Variants in SLC6A3 observed in about 807,000 individuals in gnomAD.
SLC6A3 encodes solute carrier family 6 member 3.
Under a neutral mutation model 70.4 loss-of-function variants are expected in SLC6A3, and 19 were observed. That is an observed-to-expected ratio of 0.27 (90% confidence interval 0.19 to 0.40). SLC6A3 has a LOEUF of 0.40. Ranked by LOEUF, SLC6A3 falls within the 10% of genes least tolerant of loss-of-function variation. The pLI is 1.00. For synonymous variants in SLC6A3, 368 were observed against 356.6 expected (o/e 1.03, Z -0.36); for missense variants, 613 against 838.5 (o/e 0.73, Z 3.32).
intron 6 of SLC6A3, among the ~76,000 whole-genome samples, chr5:1,416,874 G>A (rs137989291): frequency 5.9e-5 from 9 of 151,976 alleles, no homozygotes; most frequent in Admixed American, 2.0e-4. Flanking sequence ...TGACCGCAGC[G>A]TCCTAACAAC....
Position 1,401,317 on chromosome 5 carries a change from C to T in SLC6A3, c.1768-331G>A, listed in dbSNP as rs28363143. 17 of 548,004 alleles carry T rather than the reference C, an allele frequency of 3.1e-5. No individual in the cohort carries two copies. The highest frequency in any genetic ancestry group is 2.2e-4 in the East Asian group (5 of 22,824). 33.9% of individuals were successfully genotyped at this position (548,004 alleles called of 1,614,324 possible). A position where few individuals can be genotyped will look rare whatever the true frequency, so the allele number is the denominator to read the frequency against. ...GATGGCTCTTGAGTCTAAGCTACCA[C>T]GTGTGCTGGGCTCTGAGTAAGAAAG... On this transcript the variant is annotated intron_variant, in intron 13 of 14. Transcript: ENST00000270349. The surrounding 1 kb of genome is among the most constrained non-coding windows in gnomAD (Gnocchi z 6.1).
In SLC6A3 at chr5:1,414,696, T is replaced by C. The variant is rs868384812; in HGVS notation, c.1151A>G (p.Lys384Arg). Reference sequence around the variant, plus strand: ...GTGCAGCAGGAGGGGCTCACCGTCCTTGGCCACGTCCCCGATGGGCACACT... The same window carrying C: ...GTGCAGCAGGAGGGGCTCACCGTCCCTGGCCACGTCCCCGATGGGCACACT... ...KHSVPIGDVA[K>R]DGPGLIFIIY... is the part of the protein sequence containing the mutation. Residue 384 changes from lysine to arginine, a missense_variant, in exon 8 of 15, where the codon AAG becomes AGG. Lys to Arg is a conservative substitution (Grantham distance 26). Around this residue, in one of 4 missense-constraint regions of SLC6A3, gnomAD observed 348 missense variants for 481.2 expected, o/e 0.72. Transcript: ENST00000270349. 5.6e-6 allele frequency: 9 copies of C among 1,612,340 alleles called. No individual in the cohort carries two copies. Among genetic ancestry groups the C allele is most frequent in the African/African-American group, 1.3e-5 (1 of 74,842 alleles).
chr5:1,416,046 G>T, intron 7 of SLC6A3, 52 bp downstream of exon 7: 1 of 1,351,570 alleles, frequency 7.4e-7, no homozygotes, highest in Non-Finnish European at 1.1e-6. Context: ...GGAAGTCAGC[G>T]ACCTCTCCCT....
intron 4 of SLC6A3, among the ~76,000 whole-genome samples, chr5:1,431,001 G>T (rs1487028043): frequency 2.6e-5 from 4 of 152,328 alleles, no homozygotes; most frequent in African/African-American, 9.6e-5. Flanking sequence ...CCAGGCAAGC[G>T]AGCCCCCCAA....
chr5:1,432,221 GA>G (rs1166686697), intron 4 of SLC6A3, among the ~76,000 whole-genome samples: 2 of 152,178 alleles, frequency 1.3e-5, no homozygotes, highest in Non-Finnish European at 2.9e-5. Context: ...GCAGCCAAGG[GA>G]GCTGCTCAGT....
In SLC6A3 at chr5:1,421,783, G is replaced by A; in HGVS notation, c.792+93C>T. 1 of 1,409,258 alleles carries A rather than the reference G, an allele frequency of 7.1e-7. No individual in the cohort carries two copies. The allele number at this position is 1,409,258 out of a possible 1,614,324, so 87.3% of individuals were successfully genotyped here. On this transcript the variant is annotated intron_variant, in intron 5 of 14. Coordinates refer to ENST00000270349, the MANE Select transcript of SLC6A3 (RefSeq NM_001044.5). The surrounding 1 kb of genome is among the most constrained non-coding windows in gnomAD (Gnocchi z 7.2). ...CACATTGGTAGCACAAAACCCAACT[G>A]AGGCCACACGTGCACCTCCTGTCCA... is the stretch of plus-strand genomic sequence containing the variant.
At position 1,397,870 on chromosome 5, in the gene SLC6A3, A is replaced by G. The variant is rs571652717; in HGVS notation, c.1839+3045T>C. The stretch of plus-strand genomic sequence containing the variant: ...TCCAAGGAACATGATGAGTCCGTAC[A>G]AAATAATAACAGGAACAAGAACAAT... On this transcript the variant is annotated intron_variant, in intron 14 of 14. Transcript: ENST00000270349. This position sits in a 1 kb window ranked among gnomAD's most constrained non-coding sequence, Gnocchi z 4.7. Among the ~76,000 whole-genome samples the G allele has an allele frequency of 1.9e-3, 282 of 152,388 alleles. 1 individual carries two copies. The highest frequency in any genetic ancestry group is 3.2e-3 in the Non-Finnish European group (219 of 68,040).
In SLC6A3 at chr5:1,442,842, GC is replaced by G; in HGVS notation, c.286+69del. The G allele has an allele frequency of 1.3e-6, 2 of 1,506,134 alleles. No homozygotes were observed. Among genetic ancestry groups the G allele is most frequent in the Non-Finnish European group, 1.8e-6 (2 of 1,083,642 alleles). The allele number at this position is 1,506,134 out of a possible 1,614,324, so 93.3% of individuals were successfully genotyped here. On this transcript the variant is annotated intron_variant, in intron 2 of 14. Coordinates refer to ENST00000270349, the MANE Select transcript of SLC6A3 (RefSeq NM_001044.5). The surrounding 1 kb of genome is among the most constrained non-coding windows in gnomAD (Gnocchi z 5.0). Reference sequence around the variant, plus strand: ...ACAGCTTCATCTCGTTTCCGTACGTGCCTTGGCCCCGGCTGCCCCTACGACC... The same window carrying G: ...ACAGCTTCATCTCGTTTCCGTACGTGCTTGGCCCCGGCTGCCCCTACGACC...
At position 1,409,124 on chromosome 5, in the gene SLC6A3, C is replaced by T. The variant is rs748912363; in HGVS notation, c.1400G>A (p.Gly467Asp). The T allele has an allele frequency of 6.2e-7, 1 of 1,606,776 alleles. No individual in the cohort carries two copies. Among genetic ancestry groups the T allele is most frequent in the Non-Finnish European group, 8.5e-7 (1 of 1,176,466 alleles). Residue 467 changes from glycine (G) to aspartate (D), a missense_variant and splice_region_variant, in exon 11 of 15, where the codon GGT becomes GAT. By Grantham distance (94) the Gly-to-Asp change is moderately conservative (BLOSUM62 -1). Around this residue, in one of 4 missense-constraint regions of SLC6A3, gnomAD observed 348 missense variants for 481.2 expected, o/e 0.72. Transcript: ENST00000270349. ...FLLSLFCVTNGGIYVFTLLDH... is the reference protein window; with the variant it reads ...FLLSLFCVTNDGIYVFTLLDH... Reference sequence around the variant, plus strand: ...CAGGAGCGTGAAGACGTAGATGCCACCCTGGAAGAGAGGGGAGCCTGTGGA... The same window carrying T: ...CAGGAGCGTGAAGACGTAGATGCCATCCTGGAAGAGAGGGGAGCCTGTGGA...
rs956755066 is a variant in SLC6A3 at position 1,437,047 on chromosome 5, C to G, written c.418+4312G>C. ...CAGGCGGATCATGAGGTCAGGCAAT[C>G]GAGACCATCCTGGCTAACACGATGA... On this transcript the variant is annotated intron_variant, in intron 3 of 14. Transcript: ENST00000270349. This position sits in a 1 kb window ranked among gnomAD's most constrained non-coding sequence, Gnocchi z 4.8. Among the ~76,000 whole-genome samples, 1 of 152,040 alleles carries G rather than the reference C, an allele frequency of 6.6e-6. No individual in the cohort carries two copies. Among genetic ancestry groups the G allele is most frequent in the East Asian group, 1.9e-4 (1 of 5,168 alleles).
Position 1,394,457 on chromosome 5 carries a change from T to C in SLC6A3, c.*278A>G. The C allele has an allele frequency of 1.7e-6, 1 of 578,392 alleles. No individual in the cohort carries two copies. The highest frequency in any genetic ancestry group is 2.9e-5 in the East Asian group (1 of 34,608). 35.8% of individuals were successfully genotyped at this position (578,392 alleles called of 1,614,324 possible). A position where few individuals can be genotyped will look rare whatever the true frequency, so the allele number is the denominator to read the frequency against. On this transcript the variant is annotated 3_prime_UTR_variant, in exon 15 of 15. Coordinates refer to ENST00000270349, the MANE Select transcript of SLC6A3 (RefSeq NM_001044.5). This position sits in a 1 kb window ranked among gnomAD's most constrained non-coding sequence, Gnocchi z 4.7. ...GAGCCTCACACAGACAGCATGAAGTTAGACGTTTTTCTGCCCTGCAGGGAC... is the reference window on the plus strand; with the variant it reads ...GAGCCTCACACAGACAGCATGAAGTCAGACGTTTTTCTGCCCTGCAGGGAC...
At chr5:1,424,202 C>T (rs1204939095) in intron 4 of SLC6A3, among the ~76,000 whole-genome samples, 1 of 152,248 alleles carries the variant, frequency 6.6e-6, no homozygotes, top group Non-Finnish European at 1.5e-5. Flanking sequence ...ATTCTCTGCT[C>T]TTCTCCAAGG....
intron 3 of SLC6A3, among the ~76,000 whole-genome samples, chr5:1,440,045 C>T (rs114753524): frequency 0.013 from 1,943 of 152,274 alleles, 40 homozygotes; most frequent in African/African-American, 0.043. Flanking sequence ...GCACTCAACA[C>T]GAGGTGTGTC....
chr5:1,431,333 G>A (rs1052451472), intron 4 of SLC6A3, among the ~76,000 whole-genome samples: 1 of 152,252 alleles, frequency 6.6e-6, no homozygotes. Flanking sequence ...GAGACATCGG[G>A]GTCCAGGAAA....
chr5:1,428,767 C>A (rs72763597), intron 4 of SLC6A3, among the ~76,000 whole-genome samples: 1 of 146,060 alleles, frequency 6.8e-6, no homozygotes, highest in East Asian at 2.2e-4. Flanking sequence ...GAGGAAGCAC[C>A]ATTAGTGGGG....
Position 1,443,155 on chromosome 5 carries a change from C to T in SLC6A3, c.43G>A (p.Val15Met), listed in dbSNP as rs1447241235. The change falls in exon 2 of 15, where the codon GTG (valine) becomes ATG (methionine). Residue 15 changes from valine (V) to methionine (M), a missense_variant. Val to Met is a conservative substitution (Grantham distance 21). Around this residue, in one of 4 missense-constraint regions of SLC6A3, gnomAD observed 111 missense variants for 91.6 expected, o/e 1.21. Transcript: ENST00000270349. ...KCSVGLMSSV[V>M]APAKEPNAVG... ...GCATTGGGCTCCTTAGCCGGGGCCA[C>T]CACGGAAGACATGAGTCCCACGGAG... 2 of 1,614,222 alleles carry T rather than the reference C, an allele frequency of 1.2e-6. No homozygotes were observed. The highest frequency in any genetic ancestry group is 2.2e-5 in the South Asian group (2 of 91,082).
intron 4 of SLC6A3, among the ~76,000 whole-genome samples, chr5:1,427,108 C>G (rs2550924): frequency 1.3e-5 from 2 of 152,202 alleles, no homozygotes; most frequent in African/African-American, 4.8e-5. Context: ...CATACAGGAC[C>G]GGACAGCACT....
In SLC6A3 at chr5:1,403,049, TG is replaced by T. The variant is rs749320240; in HGVS notation, c.1639del (p.His547ThrfsTer114). 2.5e-6 allele frequency: 4 copies of T among 1,613,752 alleles called. No individual in the cohort carries two copies. Among genetic ancestry groups the T allele is most frequent in the Non-Finnish European group, 3.4e-6 (4 of 1,179,982 alleles). On this transcript the variant is annotated frameshift_variant, in exon 13 of 15. Coordinates refer to ENST00000270349, the MANE Select transcript of SLC6A3 (RefSeq NM_001044.5). LOFTEE classifies it high-confidence loss of function. ...VVSIVTFRPP[H>X]YGAYIFPDWA... ...GTCGGGGAAGATGTAGGCTCCGTAG[TG>T]GGGGGGTCTGAAGGTCACAATGCTG... is the stretch of plus-strand genomic sequence containing the variant.
At chr5:1,441,080 G>C (rs950467253) in intron 3 of SLC6A3, among the ~76,000 whole-genome samples, 14 of 152,268 alleles carry the variant, frequency 9.2e-5, no homozygotes, top group Non-Finnish European at 1.3e-4. Context: ...CAGATCCATA[G>C]ATAGACATGT....
Sources: gnomAD v4.1 joint callset for allele counts (sites outside exome capture counted in the v4.1 genomes callset) on GRCh38, gnomAD v4.1.1 for gene constraint, gnomAD v4.1.1 regional missense constraint, Gnocchi (gnomAD v3.1) non-coding constraint, MANE v1.5 for transcripts, NCBI Gene and HGNC (gene_info 2026-07-23, HGNC 2026-07-21) for gene names.